The following ENTPD5 variants were observed in gnomAD, a reference collection of about 807,000 sequenced individuals.
ENTPD5 encodes the protein ectonucleoside triphosphate diphosphohydrolase 5 (inactive).
ENTPD5 carries 49 observed loss-of-function variants against 60.2 expected under a neutral mutation model. That is an observed-to-expected ratio of 0.81 (90% CI 0.65 to 1.03). The LOEUF (loss-of-function observed/expected upper bound fraction) is 1.03, where lower values mean the gene tolerates loss of function less well. Among genes scored for constraint, ENTPD5 ranks in the 50% least tolerant of loss-of-function variants. ENTPD5 has a pLI of 0.00. For missense variants in ENTPD5, 480 were observed against 507.6 expected (o/e 0.95, Z 0.52); for synonymous variants, 187 against 185.4 (o/e 1.01, Z -0.07).
intron 3 of ENTPD5, chr14:73,996,524 T>A (rs892553651): frequency 6.7e-6 from 1 of 148,692 alleles, no homozygotes; most frequent in Non-Finnish European, 1.5e-5. Flanking sequence ...AAAAAAAAAC[T>A]TTAGAAACCT....
downstream of ENTPD5, chr14:73,960,711 A>G: frequency 3.4e-6 from 2 of 588,664 alleles, no homozygotes; most frequent in Non-Finnish European, 2.4e-6. Flanking sequence ...CCGTACAGTG[A>G]TAGAAGTATG....
chr14:73,959,121 C>T, downstream of ENTPD5: 1 of 1,614,132 alleles, frequency 6.2e-7, no homozygotes, highest in Non-Finnish European at 8.5e-7. Context: ...TTCATAGGCA[C>T]TAGGTACTTC....
intron 14 of ENTPD5, among the ~76,000 whole-genome samples, chr14:73,971,258 AG>A (rs2057214041): frequency 6.6e-6 from 1 of 151,748 alleles, no homozygotes; most frequent in African/African-American, 2.4e-5. Flanking sequence ...CCCAGGTTCA[AG>A]CGATTCTCCT....
intron 3 of ENTPD5, 49 bp from the exon 4 acceptor site, chr14:73,988,221 C>A: frequency 6.9e-7 from 1 of 1,445,016 alleles, no homozygotes; most frequent in South Asian, 1.5e-5. Context: ...TTTTTAGTTA[C>A]ACCTGTAAAA....
chr14:74,001,356 G>T (rs2058499532), intron 3 of ENTPD5, among the ~76,000 whole-genome samples: 1 of 151,974 alleles, frequency 6.6e-6, no homozygotes. Flanking sequence ...CAAAAAATTA[G>T]CTGGGTGTGA....
chr14:74,015,274 C>T (rs1360254164), intron 2 of ENTPD5, among the ~76,000 whole-genome samples: 1 of 151,686 alleles, frequency 6.6e-6, no homozygotes, highest in African/African-American at 2.4e-5. Context: ...TAAGGTAAAC[C>T]CGAATAAAGT....
At chr14:73,996,322 G>A (rs887406164) in intron 3 of ENTPD5, 4 of 349,714 alleles carry the variant, frequency 1.1e-5, no homozygotes, top group East Asian at 1.7e-4. Context: ...TACACAATTC[G>A]TTCATCTACT....
downstream of ENTPD5, chr14:73,960,227 ATGTGGGT>A (rs2056651452): frequency 1.0e-6 from 1 of 986,732 alleles, no homozygotes; most frequent in African/African-American, 1.7e-5. Context: ...TAGTAGATAG[ATGTGGGT>A]TCAAAATGTA....
chr14:73,991,241 C>T (rs8019765), intron 3 of ENTPD5, among the ~76,000 whole-genome samples: 57,276 of 151,886 alleles, frequency 0.38, 12,635 homozygotes, highest in South Asian at 0.49. Flanking sequence ...TGATCTCATC[C>T]GTAAAGGAAA....
intron 3 of ENTPD5, among the ~76,000 whole-genome samples, chr14:73,999,291 C>T (rs946312462): frequency 6.7e-6 from 1 of 148,500 alleles, no homozygotes; most frequent in African/African-American, 2.5e-5. Context: ...AGTTCGTGAC[C>T]AGCCTGGCCA....
chr14:73,993,933 AAC>A (rs199579611), intron 3 of ENTPD5, among the ~76,000 whole-genome samples: 56,413 of 150,490 alleles, frequency 0.37, 12,323 homozygotes, highest in South Asian at 0.49. Flanking sequence ...AACAAAAAAA[AAC>A]AAACAAAAAA....
chr14:73,958,388 T>A, downstream of ENTPD5: 1 of 1,565,666 alleles, frequency 6.4e-7, no homozygotes, highest in Non-Finnish European at 8.7e-7. Flanking sequence ...GGCAAAACTT[T>A]TGGTTATGAG....
intron 3 of ENTPD5, among the ~76,000 whole-genome samples, chr14:74,002,457 G>C (rs988635272): frequency 2.0e-5 from 3 of 151,624 alleles, no homozygotes; most frequent in Non-Finnish European, 2.9e-5. Flanking sequence ...TGTAGAGATG[G>C]AGTCTCACTA....
In ENTPD5 at chr14:74,011,135, A is replaced by T. The variant is rs1477954078; in HGVS notation, c.-115T>A. 1.1e-6 allele frequency: 1 copy of T among 885,988 alleles called. No individual in the cohort carries two copies. The highest frequency in any genetic ancestry group is 1.4e-6 in the Non-Finnish European group (1 of 739,564). The allele number at this position is 885,988 out of a possible 1,614,324, so 54.9% of individuals were successfully genotyped here. A position where few individuals can be genotyped will look rare whatever the true frequency, so the allele number is the denominator to read the frequency against. ...GAATTTTCTCCTTGGTTCCTTTATT[A>T]TATCACTTTTTCAACCTGTGTAAGA... is the stretch of plus-strand genomic sequence containing the variant. On this transcript the variant is annotated 5_prime_UTR_variant, in exon 3 of 16. Coordinates refer to ENST00000334696, the MANE Select transcript of ENTPD5 (RefSeq NM_001249.5).
intron 1 of ENTPD5, chr14:74,018,873 T>C (rs2059157100): frequency 6.6e-6 from 1 of 152,556 alleles, no homozygotes; most frequent in South Asian, 2.1e-4. Context: ...GCACTATCCC[T>C]TACAGAATCA....
At chr14:73,988,906 C>T (rs995748479) in intron 3 of ENTPD5, among the ~76,000 whole-genome samples, 4 of 152,174 alleles carry the variant, frequency 2.6e-5, no homozygotes, top group African/African-American at 9.6e-5. Context: ...TCACTGAAAC[C>T]TCTGCCTCCC....
At chr14:74,006,917 G>A (rs746917761) in intron 3 of ENTPD5, among the ~76,000 whole-genome samples, 1 of 152,116 alleles carries the variant, frequency 6.6e-6, no homozygotes, top group Non-Finnish European at 1.5e-5. Context: ...TTAAGAAAGA[G>A]TAGGAAGAAA....
In ENTPD5 at chr14:73,971,892, AC is replaced by A; in HGVS notation, c.1043del (p.Gly348ValfsTer3). The A allele has an allele frequency of 4.4e-6, 7 of 1,598,810 alleles. No individual in the cohort carries two copies. The South Asian group carries it at 6.6e-5, about 15-fold the overall frequency. ...DTDMIDYEKG[G>X]ILKVEDFERK... ...TTTCAAAATCTTCAACTTTTAAAATACCCCCCTTTTCATAATCTGAAATAAA... is the reference window on the plus strand; with the variant it reads ...TTTCAAAATCTTCAACTTTTAAAATACCCCCTTTTCATAATCTGAAATAAA... On this transcript the variant is annotated frameshift_variant, in exon 14 of 16. Coordinates refer to ENST00000334696, the MANE Select transcript of ENTPD5 (RefSeq NM_001249.5). LOFTEE classifies it high-confidence loss of function.
intron 5 of ENTPD5, among the ~76,000 whole-genome samples, chr14:73,983,854 A>AT (rs1398510594): frequency 1.3e-5 from 2 of 148,252 alleles, no homozygotes; most frequent in African/African-American, 2.5e-5. Flanking sequence ...CCACACCCAG[A>AT]TAATTTTTGT....
Sources: gnomAD v4.1 joint callset for allele counts (sites outside exome capture counted in the v4.1 genomes callset) on GRCh38, gnomAD v4.1.1 for gene constraint, MANE v1.5 for transcripts, NCBI Gene and HGNC (gene_info 2026-07-23, HGNC 2026-07-21) for gene names.